Variants in SUGT1 observed in about 807,000 individuals in gnomAD.
SUGT1 encodes protein SGT1 homolog.
SUGT1 carries 15 observed loss-of-function variants against 56.1 expected under a neutral mutation model. That is an observed-to-expected ratio of 0.27 (90% CI 0.18 to 0.41). SUGT1 has a LOEUF of 0.41. SUGT1 is among the 10% of genes least tolerant of loss of function. SUGT1 has a pLI of 1.00. For synonymous variants in SUGT1, 123 were observed against 128.6 expected (o/e 0.96, Z 0.30); for missense variants, 347 against 382.2 (o/e 0.91, Z 0.77).
At position 52,692,940 on chromosome 13, in the gene SUGT1, T is replaced by C. The variant is rs1216967137; in HGVS notation, c.*5105T>C. 6.6e-6 allele frequency: 1 copy of C among 152,216 alleles called. No homozygotes were observed. Among genetic ancestry groups the C allele is most frequent in the African/African-American group, 2.4e-5 (1 of 41,458 alleles). 9.4% of individuals were successfully genotyped at this position (152,216 alleles called of 1,614,324 possible). ...TAAGAAGACTGGTACATGATGCCAATGAAATTCTTTTTTTCCTTTAACTTG... is the reference window on the plus strand; with the variant it reads ...TAAGAAGACTGGTACATGATGCCAACGAAATTCTTTTTTTCCTTTAACTTG... On this transcript the variant is annotated 3_prime_UTR_variant, in exon 13 of 13. Coordinates refer to ENST00000310528, the MANE Select transcript of SUGT1 (RefSeq NM_006704.5).
At position 52,666,877 on chromosome 13, in the gene SUGT1, T is replaced by G. The variant is rs770249212; in HGVS notation, c.585T>G (p.Pro195=). The G allele has an allele frequency of 2.5e-6, 4 of 1,613,338 alleles. No homozygotes were observed. Among genetic ancestry groups the G allele is most frequent in the Non-Finnish European group, 3.4e-6 (4 of 1,179,686 alleles). The stretch of plus-strand genomic sequence containing the variant: ...ATTTGAAACTGGAACTTCTTCATCC[T>G]ATAATACCAGAACAGAGCACGTTTA... ...DYNLKLELLH[P]IIPEQSTFKV... Residue 195 remains proline (P), a synonymous_variant, in exon 10 of 13, where the codon CCT becomes CCG. Coordinates refer to ENST00000310528, the MANE Select transcript of SUGT1 (RefSeq NM_006704.5).
rs960082681 is a variant in SUGT1, at chr13:52,698,750, C to T, written c.*10915C>T. The T allele has an allele frequency of 6.6e-6, 1 of 152,134 alleles. No individual in the cohort carries two copies. Among genetic ancestry groups the T allele is most frequent in the Admixed American group, 6.5e-5 (1 of 15,268 alleles). The allele number at this position is 152,134 out of a possible 1,614,324, so 9.4% of individuals were successfully genotyped here. A position where few individuals can be genotyped will look rare whatever the true frequency, so the allele number is the denominator to read the frequency against. On this transcript the variant is annotated 3_prime_UTR_variant, in exon 13 of 13. Transcript: ENST00000310528. The stretch of plus-strand genomic sequence containing the variant: ...CATGCTTAGCTGATTTGCCCTAATC[C>T]TCTGCTGACATTCTGATATCGGACA...
At position 52,687,731 on chromosome 13, in the gene SUGT1, C is replaced by A; in HGVS notation, c.901-3C>A. The A allele has an allele frequency of 6.4e-7, 1 of 1,568,806 alleles. No homozygotes were observed. The highest frequency in any genetic ancestry group is 1.2e-5 in the South Asian group (1 of 82,032). On this transcript the variant is annotated splice_polypyrimidine_tract_variant and splice_region_variant and intron_variant, in intron 12 of 12. Transcript: ENST00000310528. The stretch of plus-strand genomic sequence containing the variant: ...ATTAATCTATTTTTATTTTTCATTG[C>A]AGATGGAGTCGGGTGGTACAGTTTT...
At chr13:52,657,842 G>A (rs1962241017) in intron 3 of SUGT1, among the ~76,000 whole-genome samples, 1 of 152,168 alleles carries the variant, frequency 6.6e-6, no homozygotes, top group Non-Finnish European at 1.5e-5. Context: ...TTCATTCATA[G>A]TTATTGGGTA....
rs893652149 is a variant in SUGT1 at position 52,690,149 on chromosome 13, A to G, written c.*2314A>G. 2 of 152,176 alleles carry G rather than the reference A, an allele frequency of 1.3e-5. No homozygotes were observed. Among genetic ancestry groups the G allele is most frequent in the East Asian group, 3.8e-4 (2 of 5,198 alleles). 9.4% of individuals were successfully genotyped at this position (152,176 alleles called of 1,614,324 possible). A position where few individuals can be genotyped will look rare whatever the true frequency, so the allele number is the denominator to read the frequency against. On this transcript the variant is annotated 3_prime_UTR_variant, in exon 13 of 13. Coordinates refer to ENST00000310528, the MANE Select transcript of SUGT1 (RefSeq NM_006704.5). Reference sequence around the variant, plus strand: ...AAGCATTATAAAACATACCTTGTCAAATACATTAGATTCATTATAGGTCAA... The same window carrying G: ...AAGCATTATAAAACATACCTTGTCAGATACATTAGATTCATTATAGGTCAA...
chr13:52,660,542 C>G (rs1962395776), intron 5 of SUGT1, among the ~76,000 whole-genome samples: 2 of 152,148 alleles, frequency 1.3e-5, no homozygotes, highest in South Asian at 4.1e-4. Context: ...GTTTGCCTTT[C>G]TGTTGTGTAC....
chr13:52,677,978 T>G (rs1963216159), intron 11 of SUGT1, among the ~76,000 whole-genome samples: 1 of 152,176 alleles, frequency 6.6e-6, no homozygotes. Flanking sequence ...CCTGTCCTGT[T>G]TTTGTAAGAA....
chr13:52,683,979 C>T (rs1963473285), intron 12 of SUGT1, among the ~76,000 whole-genome samples: 1 of 152,202 alleles, frequency 6.6e-6, no homozygotes, highest in South Asian at 2.1e-4. Context: ...TTCCCAGGCT[C>T]AAGTGATCCT....
At position 52,689,055 on chromosome 13, in the gene SUGT1, A is replaced by G. The variant is rs1487211176; in HGVS notation, c.*1220A>G. Reference sequence around the variant, plus strand: ...TTTTTATGGCAAAGCACTACTCTATACCCTCAGAGCAGGGGGAGTGGGAGG... The same window carrying G: ...TTTTTATGGCAAAGCACTACTCTATGCCCTCAGAGCAGGGGGAGTGGGAGG... On this transcript the variant is annotated 3_prime_UTR_variant, in exon 13 of 13. Coordinates refer to ENST00000310528, the MANE Select transcript of SUGT1 (RefSeq NM_006704.5). The G allele has an allele frequency of 4.6e-5, 7 of 152,138 alleles. No homozygotes were observed. The highest frequency in any genetic ancestry group is 4.6e-4 in the Admixed American group (7 of 15,276). The allele number at this position is 152,138 out of a possible 1,614,324, so 9.4% of individuals were successfully genotyped here. A position where few individuals can be genotyped will look rare whatever the true frequency, so the allele number is the denominator to read the frequency against.
At chr13:52,659,350 C>A in intron 5 of SUGT1, 101 bp downstream of exon 5, 1 of 640,662 alleles carries the variant, frequency 1.6e-6, no homozygotes, top group Non-Finnish European at 2.5e-6. Flanking sequence ...TGTAGAAACC[C>A]AATACCTGTT....
chr13:52,659,814 ATTTTTTTTTTTTTTTTTTTTT>A (rs71088033), intron 5 of SUGT1, among the ~76,000 whole-genome samples: 1 of 58,722 alleles, frequency 1.7e-5, no homozygotes, highest in African/African-American at 7.4e-5. Context: ...ATATATATAT[ATTTTTTTTTTTTTTTTTTTTT>A]TTTTTTTTTT....
chr13:52,666,730 AG>A, intron 9 of SUGT1, 81 bp from the exon 10 acceptor site: 1 of 857,160 alleles, frequency 1.2e-6, no homozygotes, highest in Non-Finnish European at 1.9e-6. Context: ...ACATTATTGA[AG>A]ATTTGTCATT....
chr13:52,659,806 ATATATATATTTTTTTTTTTT>A (rs1440468062), intron 5 of SUGT1, among the ~76,000 whole-genome samples: 5 of 19,682 alleles, frequency 2.5e-4, no homozygotes, highest in African/African-American at 4.1e-4. Flanking sequence ...ATATATATAT[ATATATATATTTTTTTTTTTT>A]TTTTTTTTTT....
intron 4 of SUGT1, 69 bp downstream of exon 4, chr13:52,658,537 C>A (rs1413176258): frequency 2.8e-6 from 4 of 1,418,428 alleles, no homozygotes; most frequent in South Asian, 1.4e-5. Context: ...TGAATGAGTT[C>A]ATTGCAAGCT....
chr13:52,666,402 G>A (rs1962704718), intron 9 of SUGT1, among the ~76,000 whole-genome samples: 1 of 152,142 alleles, frequency 6.6e-6, no homozygotes, highest in South Asian at 2.1e-4. Flanking sequence ...TTAACAACTT[G>A]ATTTCTTACC....
chr13:52,699,061 C>T lies in SUGT1; in HGVS notation c.*11226C>T, dbSNP rs547734581. On this transcript the variant is annotated 3_prime_UTR_variant, in exon 13 of 13. Transcript: ENST00000310528. ...GAAGTGAGATTAGCACTAATCACCT[C>T]TAATGCCTTATTTCCAGTAAAGTTT... is the stretch of plus-strand genomic sequence containing the variant. 2 of 152,286 alleles carry T rather than the reference C, an allele frequency of 1.3e-5. No individual in the cohort carries two copies. Among genetic ancestry groups the T allele is most frequent in the African/African-American group, 4.8e-5 (2 of 41,570 alleles). The allele number at this position is 152,286 out of a possible 1,614,324, so 9.4% of individuals were successfully genotyped here.
chr13:52,654,910 G>A (rs2138100955), intron 2 of SUGT1, among the ~76,000 whole-genome samples: 1 of 152,328 alleles, frequency 6.6e-6, no homozygotes. Flanking sequence ...TCTTGTACAT[G>A]TATTTTGGTG....
chr13:52,673,563 CTT>C (rs1292853060), intron 10 of SUGT1, among the ~76,000 whole-genome samples: 1 of 152,208 alleles, frequency 6.6e-6, no homozygotes, highest in Non-Finnish European at 1.5e-5. Flanking sequence ...ATAAAGTCCT[CTT>C]TGTTCATACT....
At chr13:52,669,317 G>A (rs1418804359) in intron 10 of SUGT1, among the ~76,000 whole-genome samples, 2 of 152,290 alleles carry the variant, frequency 1.3e-5, no homozygotes, top group South Asian at 2.1e-4. Flanking sequence ...TTTTTATTAT[G>A]TAAATATGTT....
Sources: gnomAD v4.1 joint callset for allele counts (sites outside exome capture counted in the v4.1 genomes callset) on GRCh38, gnomAD v4.1.1 for gene constraint, MANE v1.5 for transcripts, NCBI Gene and HGNC (gene_info 2026-07-23, HGNC 2026-07-21) for gene names.